PDE4B: variants seen among roughly 807,000 people sequenced by gnomAD.
PDE4B encodes the protein phosphodiesterase 4B, also known as 3',5'-cyclic-AMP phosphodiesterase 4B.
In PDE4B, 20 loss-of-function variants were observed where a neutral mutation model predicts 82.2. The observed-to-expected ratio is 0.24, with a 90% confidence interval of 0.17 to 0.35. PDE4B has a LOEUF of 0.35. PDE4B is among the 10% of genes least tolerant of loss of function. The probability of loss-of-function intolerance (pLI) is 1.00; values close to 1 mark genes in which losing one functional copy is unlikely to be tolerated. For synonymous variants in PDE4B, 320 were observed against 318.9 expected, an observed-to-expected ratio of 1.00 and a Z score of -0.04; for missense variants, 655 against 907.2, an observed-to-expected ratio of 0.72 and a Z score of 3.57.
At chr1:66,220,564 A>G (rs1251221190) in intron 3 of PDE4B, among the ~76,000 whole-genome samples, 1 of 152,202 alleles carries the variant, frequency 6.6e-6, no homozygotes, top group Admixed American at 6.6e-5. Flanking sequence ...ATTATAAATT[A>G]GAATGGCTCC....
chr1:65,996,734 CA>C (rs11318519), intron 3 of PDE4B, among the ~76,000 whole-genome samples: 5,978 of 152,158 alleles, frequency 0.039, 401 homozygotes, highest in African/African-American at 0.14. Context: ...TCTCAAATTT[CA>C]AAATTTTTCT....
chr1:66,129,390 G>A (rs997313381), intron 3 of PDE4B, among the ~76,000 whole-genome samples: 1 of 152,054 alleles, frequency 6.6e-6, no homozygotes, highest in Non-Finnish European at 1.5e-5. Context: ...GGGCGCGGTG[G>A]CTCACGCCTG....
At chr1:66,339,875 G>T in intron 8 of PDE4B, among the ~76,000 whole-genome samples, 2 of 148,314 alleles carry the variant, frequency 1.3e-5, no homozygotes, top group Admixed American at 6.7e-5. Context: ...GAATATGTCC[G>T]AGTCTAAAAG....
At chr1:66,152,511 C>A in intron 3 of PDE4B, 1 of 324,532 alleles carries the variant, frequency 3.1e-6, no homozygotes, top group Non-Finnish European at 7.0e-6. Context: ...TCATGGTTCT[C>A]CAGAGAAACA....
At chr1:66,291,985 G>A (rs1403078472) in intron 7 of PDE4B, among the ~76,000 whole-genome samples, 4 of 152,024 alleles carry the variant, frequency 2.6e-5, no homozygotes, top group Admixed American at 1.3e-4. Flanking sequence ...AGCCATTCAC[G>A]CATTCTGCAC....
chr1:66,036,874 C>A (rs944121082), intron 3 of PDE4B, among the ~76,000 whole-genome samples: 2 of 152,004 alleles, frequency 1.3e-5, no homozygotes, highest in African/African-American at 4.8e-5. Flanking sequence ...GTGTCTTATG[C>A]CTGTAATCCC....
At chr1:66,096,310 G>C (rs776198348) in intron 3 of PDE4B, among the ~76,000 whole-genome samples, 1 of 151,074 alleles carries the variant, frequency 6.6e-6, no homozygotes, top group Non-Finnish European at 1.5e-5. Flanking sequence ...AAACTGCTTT[G>C]TTGAGAGATC....
intron 3 of PDE4B, among the ~76,000 whole-genome samples, chr1:66,185,376 A>G (rs945189812): frequency 9.2e-5 from 14 of 152,236 alleles, no homozygotes; most frequent in Non-Finnish European, 1.8e-4. Flanking sequence ...TTGCTGGGTC[A>G]AACGGTATTT....
chr1:66,280,177 C>T (rs1300805111), intron 7 of PDE4B, among the ~76,000 whole-genome samples: 2 of 152,212 alleles, frequency 1.3e-5, no homozygotes, highest in Non-Finnish European at 2.9e-5. Flanking sequence ...AATAATCATT[C>T]ATCCTAGCTC....
chr1:66,233,921 A>G (rs990235140), intron 3 of PDE4B, among the ~76,000 whole-genome samples: 2 of 152,158 alleles, frequency 1.3e-5, no homozygotes, highest in African/African-American at 2.4e-5. Context: ...TTGATTTGAT[A>G]TAATTTTGTT....
intron 3 of PDE4B, among the ~76,000 whole-genome samples, chr1:65,987,558 C>G (rs1319622569): frequency 2.6e-5 from 4 of 152,036 alleles, no homozygotes; most frequent in Non-Finnish European, 5.9e-5. Flanking sequence ...GTGGAAAGAC[C>G]TGGTTTTGAG....
At chr1:65,859,583 A>G (rs895708547) in intron 1 of PDE4B, among the ~76,000 whole-genome samples, 2 of 152,192 alleles carry the variant, frequency 1.3e-5, no homozygotes, top group Admixed American at 6.6e-5. Context: ...GGACCGTCAT[A>G]TAAAATGAAC....
chr1:66,274,370 A>C (rs781196305), intron 7 of PDE4B, among the ~76,000 whole-genome samples: 1 of 150,906 alleles, frequency 6.6e-6, no homozygotes, highest in Non-Finnish European at 1.5e-5. Flanking sequence ...AAGGAGTTTC[A>C]CCATGTTGGT....
intron 8 of PDE4B, among the ~76,000 whole-genome samples, chr1:66,343,534 G>A (rs1447516279): frequency 1.3e-5 from 2 of 152,150 alleles, no homozygotes; most frequent in African/African-American, 2.4e-5. Context: ...TAACATTTTA[G>A]TTATCTGGGA....
At chr1:66,122,703 C>CTTTTTTTTTT (rs3036785) in intron 3 of PDE4B, among the ~76,000 whole-genome samples, 11 of 111,942 alleles carry the variant, frequency 9.8e-5, no homozygotes, top group Non-Finnish European at 1.4e-4. Flanking sequence ...CTCTTCTTTT[C>CTTTTTTTTTT]TTTTTTTTTT....
intron 3 of PDE4B, among the ~76,000 whole-genome samples, chr1:66,030,400 T>A (rs1354471449): frequency 6.6e-6 from 1 of 152,220 alleles, no homozygotes; most frequent in Non-Finnish European, 1.5e-5. Flanking sequence ...CCTCCTTGAC[T>A]TTTTGAAAGG....
chr1:65,902,832 C>T lies in PDE4B; in HGVS notation c.-70-10413C>T, dbSNP rs374945402. 3.9e-5 allele frequency among the ~76,000 whole-genome samples: 6 copies of T among 152,126 alleles called. No individual in the cohort carries two copies. The East Asian group carries it at 1.2e-3, about 29-fold the overall frequency. ...TATTTTTTGGTTTTAGAATGCTTTC[C>T]AATATATAAATAAGCTTTTGCTGAA... On this transcript the variant is annotated intron_variant, in intron 1 of 16. Coordinates refer to ENST00000341517, the MANE Select transcript of PDE4B (RefSeq NM_002600.4).
chr1:66,144,372 C>T (rs141992960), intron 3 of PDE4B, among the ~76,000 whole-genome samples: 1,526 of 152,138 alleles, frequency 0.01, 29 homozygotes, highest in African/African-American at 0.034. Context: ...GAAACAAGCG[C>T]GTCAAAGTTA....
chr1:66,009,088 TC>T (rs1379653802), intron 3 of PDE4B, among the ~76,000 whole-genome samples: 3 of 152,054 alleles, frequency 2.0e-5, no homozygotes, highest in African/African-American at 7.2e-5. Context: ...CATGGCTTTC[TC>T]CCCCCTACAC....
Sources: gnomAD v4.1 joint callset for allele counts (sites outside exome capture counted in the v4.1 genomes callset) on GRCh38, gnomAD v4.1.1 for gene constraint, MANE v1.5 for transcripts, NCBI Gene and HGNC (gene_info 2026-07-23, HGNC 2026-07-21) for gene names.